The following KAT2B variants were observed in gnomAD, a reference collection of about 807,000 sequenced individuals.
The protein encoded by KAT2B is lysine acetyltransferase 2B.
In KAT2B, 36 loss-of-function variants were observed where a neutral mutation model predicts 105.9. That is an observed-to-expected ratio of 0.34 (90% confidence interval 0.26 to 0.45). KAT2B has a LOEUF of 0.45. Ranked by LOEUF, KAT2B falls within the 20% of genes least tolerant of loss-of-function variation. The pLI, the probability that KAT2B is intolerant of heterozygous loss-of-function variation, is 1.00. For synonymous variants in KAT2B, 397 were observed against 377.9 expected (o/e 1.05, Z -0.59); for missense variants, 820 against 1,021.6 (o/e 0.80, Z 2.69).
intron 2 of KAT2B, among the ~76,000 whole-genome samples, chr3:20,090,558 A>G (rs1698698611): frequency 6.6e-6 from 1 of 152,242 alleles, no homozygotes; most frequent in Admixed American, 6.5e-5. Context: ...CTCGTGGTGA[A>G]GGATTCTTTT....
At chr3:20,145,525 A>G (rs1185810644) in intron 13 of KAT2B, among the ~76,000 whole-genome samples, 1 of 83,632 alleles carries the variant, frequency 1.2e-5, no homozygotes, top group Non-Finnish European at 2.8e-5. Context: ...TCGTTATGAT[A>G]TGTTTAATTT....
chr3:20,056,595 GAGGCTA>G (rs1352981960), intron 1 of KAT2B, among the ~76,000 whole-genome samples: 29 of 152,274 alleles, frequency 1.9e-4, no homozygotes, highest in Middle Eastern at 6.8e-3. Flanking sequence ...TTTTAATAAA[GAGGCTA>G]ACCAACTTGG....
In KAT2B at chr3:20,111,751, T is replaced by A; in HGVS notation, c.1007T>A (p.Leu336His). 3 of 1,613,960 alleles carry A rather than the reference T, an allele frequency of 1.9e-6. No individual in the cohort carries two copies. The highest frequency in any genetic ancestry group is 2.5e-6 in the Non-Finnish European group (3 of 1,179,924). ...QARQEKDKLP[L>H]EKRTLILTHF... is the part of the protein sequence containing the mutation. ...AGACAGGAAAAAGATAAACTGCCTC[T>A]TGAAAAACGAACTCTAATCCTCACT... The change falls in exon 6 of 18, where the codon CTT becomes CAT. Residue 336 changes from leucine to histidine, a missense_variant. Transcript: ENST00000263754.
chr3:20,122,232 A>G (rs970959806), intron 8 of KAT2B, among the ~76,000 whole-genome samples: 1 of 152,234 alleles, frequency 6.6e-6, no homozygotes. Context: ...CATTCTTTCC[A>G]AGAAGACACT....
chr3:20,065,864 C>T (rs745973836), intron 1 of KAT2B, among the ~76,000 whole-genome samples: 1 of 152,068 alleles, frequency 6.6e-6, no homozygotes, highest in Non-Finnish European at 1.5e-5. Context: ...GGGGTGGAGT[C>T]CCTTTATAGT....
At chr3:20,056,941 G>C (rs1324216344) in intron 1 of KAT2B, among the ~76,000 whole-genome samples, 1 of 152,198 alleles carries the variant, frequency 6.6e-6, no homozygotes, top group African/African-American at 2.4e-5. Flanking sequence ...GCCTTGGAAA[G>C]TAGTAAACAC....
In KAT2B at chr3:20,040,784, C is replaced by T; in HGVS notation, c.303+4C>T. The stretch of plus-strand genomic sequence containing the variant: ...CGGAGTGTACTCCGCCTGCAAGGTA[C>T]GCGCTCGCCGCTCTCGGACCGCGGA... On this transcript the variant is annotated splice_donor_region_variant and intron_variant, in intron 1 of 17. Transcript: ENST00000263754. 1 of 1,585,396 alleles carries T rather than the reference C, an allele frequency of 6.3e-7. No individual in the cohort carries two copies. The highest frequency in any genetic ancestry group is 8.5e-7 in the Non-Finnish European group (1 of 1,169,926).
chr3:20,148,589 AG>A (rs2125198873), intron 17 of KAT2B, 102 bp downstream of exon 17: 1 of 849,988 alleles, frequency 1.2e-6, no homozygotes, highest in East Asian at 2.5e-5. Context: ...TGCTTAGGGT[AG>A]GAAGTGTATG....
intron 2 of KAT2B, among the ~76,000 whole-genome samples, chr3:20,082,717 A>G (rs550903421): frequency 1.2e-4 from 18 of 152,332 alleles, no homozygotes; most frequent in African/African-American, 4.1e-4. Flanking sequence ...AGAACTGCCA[A>G]CGTAGATATG....
chr3:20,092,855 C>T (rs1000466620), intron 2 of KAT2B, among the ~76,000 whole-genome samples: 1 of 152,034 alleles, frequency 6.6e-6, no homozygotes, highest in Admixed American at 6.6e-5. Context: ...GCACGCACCA[C>T]CATGCCCAGC....
intron 1 of KAT2B, among the ~76,000 whole-genome samples, chr3:20,044,588 C>T (rs1303720084): frequency 3.3e-5 from 5 of 151,832 alleles, no homozygotes; most frequent in African/African-American, 7.3e-5. Flanking sequence ...TTCACCTAGT[C>T]GGGGGTGAGG....
At chr3:20,045,375 G>T (rs1458508502) in intron 1 of KAT2B, among the ~76,000 whole-genome samples, 1 of 150,896 alleles carries the variant, frequency 6.6e-6, no homozygotes, top group Non-Finnish European at 1.5e-5. Flanking sequence ...TTTAGAGACA[G>T]GGTCTTGCTC....
chr3:20,089,181 T>C (rs950539384), intron 2 of KAT2B, among the ~76,000 whole-genome samples: 2 of 152,198 alleles, frequency 1.3e-5, no homozygotes, highest in Admixed American at 6.6e-5. Context: ...GCCTTTGTTC[T>C]TTTTGCTCAA....
intron 8 of KAT2B, among the ~76,000 whole-genome samples, chr3:20,122,248 T>C (rs2125174987): frequency 6.6e-6 from 1 of 152,278 alleles, no homozygotes. Context: ...ACACTGCACA[T>C]TTACAAAAGA....
At chr3:20,130,059 C>G (rs1369167398) in intron 11 of KAT2B, among the ~76,000 whole-genome samples, 1 of 152,110 alleles carries the variant, frequency 6.6e-6, no homozygotes, top group African/African-American at 2.4e-5. Context: ...CTCACTGCAA[C>G]CTCCGCCTCC....
chr3:20,061,527 A>G (rs1169610591), intron 1 of KAT2B, among the ~76,000 whole-genome samples: 4 of 151,908 alleles, frequency 2.6e-5, no homozygotes, highest in African/African-American at 9.7e-5. Flanking sequence ...TAGTAATTCC[A>G]TTTCTAATAT....
chr3:20,134,371 T>C (rs1699563774), intron 11 of KAT2B, among the ~76,000 whole-genome samples: 1 of 152,222 alleles, frequency 6.6e-6, no homozygotes, highest in African/African-American at 2.4e-5. Flanking sequence ...TTATGGTCTT[T>C]TTCACTATCG....
At chr3:20,107,015 ATTTTTTTTTTTTTTTTTTT>A (rs575168989) in intron 5 of KAT2B, among the ~76,000 whole-genome samples, 1 of 26,130 alleles carries the variant, frequency 3.8e-5, no homozygotes, top group Non-Finnish European at 6.4e-5. Context: ...ATATATATAT[ATTTTTTTTTTTTTTTTTTT>A]TTTTTTTTTT....
intron 1 of KAT2B, among the ~76,000 whole-genome samples, chr3:20,042,860 A>G (rs1697743359): frequency 6.6e-6 from 1 of 151,750 alleles, no homozygotes. Flanking sequence ...TTTCCTGGTC[A>G]CTTTCATGAC....
Sources: allele counts gnomAD v4.1 joint callset (sites outside exome capture counted in the v4.1 genomes callset), GRCh38; gene constraint gnomAD v4.1.1; transcripts MANE v1.5; gene names NCBI Gene and HGNC (gene_info 2026-07-23, HGNC 2026-07-21).